Variants in CLEC2A observed in about 807,000 individuals in gnomAD.
CLEC2A encodes the protein C-type lectin domain family 2 member A.
Under a neutral mutation model 18.6 loss-of-function variants are expected in CLEC2A, and 19 were observed. That is an observed-to-expected ratio of 1.02 (90% CI 0.71 to 1.50). CLEC2A has a LOEUF of 1.50. Ranked by LOEUF, CLEC2A falls within the 40% of genes most tolerant of loss-of-function variation. The pLI is 0.00. For synonymous variants in CLEC2A, 74 were observed against 64.0 expected, an observed-to-expected ratio of 1.16 and a Z score of -0.75; for missense variants, 190 against 207.9, an observed-to-expected ratio of 0.91 and a Z score of 0.53.
At chr12:9,895,720 A>G, downstream of CLEC2A, 4 of 1,535,346 alleles carry the variant, frequency 2.6e-6, no homozygotes, top group Non-Finnish European at 3.5e-6. Flanking sequence ...TGATGACAGG[A>G]GCTGTGCCGT....
downstream of CLEC2A, among the ~76,000 whole-genome samples, chr12:9,898,010 C>G (rs981875519): frequency 3.3e-5 from 5 of 152,216 alleles, no homozygotes; most frequent in African/African-American, 1.2e-4. Flanking sequence ...ATCAAACTTA[C>G]AGCTGGCAAT....
chr12:9,899,081 C>T, intron 4 of CLEC2A: 1 of 614,952 alleles, frequency 1.6e-6, no homozygotes, highest in Non-Finnish European at 3.0e-6. Flanking sequence ...GGCCTTTTAT[C>T]AGTTTGCACA....
chr12:9,885,173 A>G, the CLEC2A span: 1 of 328,218 alleles, frequency 3.0e-6, no homozygotes, highest in Non-Finnish European at 5.4e-6. Flanking sequence ...AAATTTAAAA[A>G]ATTAAATGCT....
Position 9,922,026 on chromosome 12 carries a change from A to C in CLEC2A, c.306+40T>G, listed in dbSNP as rs768566038. ...ATTGTTTTATTATGTTTTTATACAA[A>C]CAATCTCTGAAATTACTGAAGACTT... On this transcript the variant is annotated intron_variant, in intron 3 of 4. Transcript: ENST00000455827. The C allele has an allele frequency of 4.1e-6, 6 of 1,450,838 alleles. No individual in the cohort carries two copies. The African/African-American group carries it at 8.6e-5, about 21-fold the overall frequency. 89.9% of individuals were successfully genotyped at this position (1,450,838 alleles called of 1,614,324 possible).
intron 4 of CLEC2A, among the ~76,000 whole-genome samples, chr12:9,906,068 T>C (rs1199815537): frequency 6.6e-6 from 1 of 151,610 alleles, no homozygotes; most frequent in Non-Finnish European, 1.5e-5. Flanking sequence ...TCTAACTTGT[T>C]TGGCTAGGGT....
downstream of CLEC2A, among the ~76,000 whole-genome samples, chr12:9,894,232 A>T (rs1862728046): frequency 7.1e-6 from 1 of 141,260 alleles, no homozygotes; most frequent in East Asian, 2.1e-4. Context: ...CTCAGGCTGG[A>T]GTGCAGTGGC....
the CLEC2A span, chr12:9,892,923 G>T: frequency 5.7e-6 from 6 of 1,050,420 alleles, no homozygotes; most frequent in Non-Finnish European, 7.9e-6. Flanking sequence ...AAAATGAGTT[G>T]GAAAAATCTA....
At chr12:9,905,221 C>G (rs188180223) in intron 4 of CLEC2A, among the ~76,000 whole-genome samples, 14 of 152,286 alleles carry the variant, frequency 9.2e-5, no homozygotes, top group African/African-American at 2.9e-4. Context: ...TCCTTTCACT[C>G]ACATGTGGTG....
At chr12:9,906,026 T>TTG (rs1555129216) in intron 4 of CLEC2A, among the ~76,000 whole-genome samples, 1 of 77,864 alleles carries the variant, frequency 1.3e-5, no homozygotes, top group Non-Finnish European at 2.2e-5. Flanking sequence ...ATTAGTTTTG[T>TTG]TTTTTTTTTT....
At chr12:9,922,485 A>G (rs1006122217) in intron 2 of CLEC2A, among the ~76,000 whole-genome samples, 1 of 152,204 alleles carries the variant, frequency 6.6e-6, no homozygotes, top group Admixed American at 6.5e-5. Context: ...CTCATAATCT[A>G]TATTAATATC....
At chr12:9,898,979 G>T (rs1282072394) in intron 4 of CLEC2A, 2 of 713,708 alleles carry the variant, frequency 2.8e-6, no homozygotes, top group Non-Finnish European at 2.6e-6. Context: ...TTGATGGCCT[G>T]AAAGCAAGAA....
the CLEC2A span, among the ~76,000 whole-genome samples, chr12:9,889,599 A>C: frequency 2.6e-5 from 4 of 152,000 alleles, no homozygotes; most frequent in Non-Finnish European, 1.5e-5. Flanking sequence ...CTGCCCCCAC[A>C]ATTATATGAG....
chr12:9,932,051 A>G (rs1290320194), intron 1 of CLEC2A, among the ~76,000 whole-genome samples: 2 of 152,216 alleles, frequency 1.3e-5, no homozygotes, highest in African/African-American at 4.8e-5. Flanking sequence ...ACGTACCATA[A>G]AATTCTGCCC....
At chr12:9,927,263 A>G (rs898092404) in intron 1 of CLEC2A, among the ~76,000 whole-genome samples, 1 of 152,216 alleles carries the variant, frequency 6.6e-6, no homozygotes, top group East Asian at 1.9e-4. Context: ...CAATTATAAC[A>G]CAATGCTAAA....
At chr12:9,931,178 T>C (rs969748033) in intron 1 of CLEC2A, among the ~76,000 whole-genome samples, 1 of 152,194 alleles carries the variant, frequency 6.6e-6, no homozygotes, top group African/African-American at 2.4e-5. Flanking sequence ...CACTTTTTAC[T>C]CTCTAAACTC....
chr12:9,928,814 G>T (rs1184350868), intron 1 of CLEC2A, among the ~76,000 whole-genome samples: 1 of 152,178 alleles, frequency 6.6e-6, no homozygotes, highest in African/African-American at 2.4e-5. Context: ...CATGCCACTT[G>T]CACTGTTAAA....
downstream of CLEC2A, among the ~76,000 whole-genome samples, chr12:9,897,863 A>G (rs899824932): frequency 6.6e-6 from 1 of 152,302 alleles, no homozygotes; most frequent in Non-Finnish European, 1.5e-5. Context: ...CATCTATCAT[A>G]CACGTTTTCT....
At chr12:9,908,544 G>A (rs1333286428), downstream of CLEC2A, among the ~76,000 whole-genome samples, 1 of 152,098 alleles carries the variant, frequency 6.6e-6, no homozygotes. Flanking sequence ...AAAACGTTAT[G>A]AGTTCATATT....
downstream of CLEC2A, among the ~76,000 whole-genome samples, chr12:9,908,287 A>G (rs1463118110): frequency 6.6e-6 from 1 of 152,190 alleles, no homozygotes; most frequent in Non-Finnish European, 1.5e-5. Flanking sequence ...GAGGTGAGGA[A>G]TCCCTCTGGG....
Sources: allele counts gnomAD v4.1 joint callset (sites outside exome capture counted in the v4.1 genomes callset), GRCh38; gene constraint gnomAD v4.1.1; transcripts MANE v1.5; gene names NCBI Gene and HGNC (gene_info 2026-07-23, HGNC 2026-07-21).